SPG7: variants seen among roughly 807,000 people sequenced by gnomAD.
The protein encoded by SPG7 is mitochondrial inner membrane m-AAA protease component paraplegin.
In SPG7, 103 loss-of-function variants were observed where a neutral mutation model predicts 81.9. The observed-to-expected ratio is 1.26, with a 90% CI of 1.07 to 1.48. SPG7 has a LOEUF of 1.48. Ranked by LOEUF, SPG7 falls within the 40% of genes most tolerant of loss-of-function variation. The pLI, the probability that SPG7 is intolerant of heterozygous loss-of-function variation, is 0.00. For missense variants in SPG7, 1,241 were observed against 1,087.3 expected (o/e 1.14, Z -1.99); for synonymous variants, 534 against 444.2 (o/e 1.20, Z -2.54).
At chr16:89,533,268 C>T (rs886976393) in intron 9 of SPG7, 11 of 152,826 alleles carry the variant, frequency 7.2e-5, no homozygotes, top group African/African-American at 2.2e-4. Flanking sequence ...CCCGGGTTCT[C>T]GCCATTCTCC....
chr16:89,516,582 C>T lies in SPG7; in HGVS notation c.376+3545C>T, dbSNP rs368582201. 1.6e-4 allele frequency among the ~76,000 whole-genome samples: 24 copies of T among 151,658 alleles called. No homozygotes were observed. The South Asian group carries it at 4.4e-3, about 28-fold the overall frequency. ...CATAAAAAATTAAGAAAGAAAAGGC[C>T]GGGCGTGGTGGCTCATGCCTGTCAT... On this transcript the variant is annotated intron_variant, in intron 3 of 16. Coordinates refer to ENST00000645818, the MANE Select transcript of SPG7 (RefSeq NM_003119.4).
chr16:89,510,601 C>T lies in SPG7; in HGVS notation c.286+9C>T. The T allele has an allele frequency of 1.9e-6, 3 of 1,550,418 alleles. No individual in the cohort carries two copies. Among genetic ancestry groups the T allele is most frequent in the Non-Finnish European group, 2.7e-6 (3 of 1,122,282 alleles). On this transcript the variant is annotated intron_variant, in intron 2 of 16. Coordinates refer to ENST00000645818, the MANE Select transcript of SPG7 (RefSeq NM_003119.4). ...ACTCTGGCAACTTTTAGGTATGTAT[C>T]TGTTTAAAGAAGCAGCTGAGCATGA...
At chr16:89,536,977 C>T in intron 9 of SPG7, 4 of 1,613,910 alleles carry the variant, frequency 2.5e-6, no homozygotes, top group East Asian at 2.2e-5. Context: ...ATCTTCTCCA[C>T]ATAACCTCTC....
At chr16:89,546,573 C>G in intron 10 of SPG7, 85 bp from the exon 11 acceptor site, 1 of 159,874 alleles carries the variant, frequency 6.3e-6, no homozygotes, top group African/African-American at 4.2e-5. Context: ...ACTTGGGGAC[C>G]CCCCCCCCCC....
intron 3 of SPG7, 118 bp downstream of exon 3, chr16:89,513,155 G>T (rs571868179): frequency 7.0e-7 from 1 of 1,435,220 alleles, no homozygotes; most frequent in Non-Finnish European, 9.5e-7. Context: ...GGGTGCAGTG[G>T]CTCACACTTG....
At chr16:89,545,019 C>G in intron 10 of SPG7, 4 of 563,958 alleles carry the variant, frequency 7.1e-6, no homozygotes, top group Middle Eastern at 9.9e-4. Flanking sequence ...AATGGCTGCA[C>G]TCACTGCTCG....
chr16:89,554,014 C>T (rs1433936062), intron 15 of SPG7, 54 bp downstream of exon 15: 6 of 1,587,750 alleles, frequency 3.8e-6, no homozygotes, highest in Non-Finnish European at 4.3e-6. Context: ...GGAGGGAGTC[C>T]CTGGGTCTAC....
At chr16:89,545,803 G>T (rs2058556717) in intron 10 of SPG7, 1 of 380,776 alleles carries the variant, frequency 2.6e-6, no homozygotes, top group Non-Finnish European at 5.2e-6. Flanking sequence ...TGCTGTGTGT[G>T]ACGTGCTTCA....
rs749826997 is a variant in SPG7 at position 89,548,091 on chromosome 16, C to T, written c.1641C>T (p.Tyr547=). 7 of 1,607,156 alleles carry T rather than the reference C, an allele frequency of 4.4e-6. No individual in the cohort carries two copies. Among genetic ancestry groups the T allele is most frequent in the South Asian group, 1.1e-5 (1 of 91,078 alleles). ...CCGTGCACACTCTCAACTTCGAGTA[C>T]GCCGTGGAGCGCGTCCTCGCAGGTA... The part of the protein sequence containing the change: ...HTSVHTLNFE[Y]AVERVLAGTA... The change falls in exon 12 of 17, where the codon TAC becomes TAT. Residue 547 remains tyrosine (Y), a synonymous_variant. Coordinates refer to ENST00000645818, the MANE Select transcript of SPG7 (RefSeq NM_003119.4).
intron 9 of SPG7, among the ~76,000 whole-genome samples, chr16:89,535,994 G>T (rs1412010435): frequency 8.7e-4 from 116 of 133,096 alleles, no homozygotes; most frequent in Non-Finnish European, 1.3e-3. Context: ...GTGCTGTGTG[G>T]CCTTCACTGT....
intron 3 of SPG7, chr16:89,518,368 A>G (rs1464761399): frequency 1.3e-5 from 2 of 152,238 alleles, no homozygotes; most frequent in Non-Finnish European, 2.9e-5. Context: ...AAGGAATTAT[A>G]CGGAGTGAAA....
intron 3 of SPG7, chr16:89,522,287 C>A (rs374102580): frequency 6.6e-6 from 1 of 152,106 alleles, no homozygotes; most frequent in Non-Finnish European, 1.5e-5. Context: ...TGTTTGAATT[C>A]GTCTAAAATG....
Position 89,550,422 on chromosome 16 carries a change from C to T in SPG7, c.1664-72C>T, listed in dbSNP as rs2058621722. 2.8e-6 allele frequency: 3 copies of T among 1,065,474 alleles called. No individual in the cohort carries two copies. The East Asian group carries it at 7.1e-5, about 25-fold the overall frequency. 66.0% of individuals were successfully genotyped at this position (1,065,474 alleles called of 1,614,324 possible). On this transcript the variant is annotated intron_variant, in intron 12 of 16. Coordinates refer to ENST00000645818, the MANE Select transcript of SPG7 (RefSeq NM_003119.4). ...TCCTGTCCTCAGGTCATCCGCCCGCCTTGGCCTCCCACAGCGCTGGGATTA... is the reference window on the plus strand; with the variant it reads ...TCCTGTCCTCAGGTCATCCGCCCGCTTTGGCCTCCCACAGCGCTGGGATTA...
chr16:89,529,749 G>T, intron 6 of SPG7, 170 bp downstream of exon 6: 3 of 682,116 alleles, frequency 4.4e-6, no homozygotes, highest in Non-Finnish European at 5.3e-6. Flanking sequence ...GCTGTAAGGC[G>T]TGTAGTAACC....
intron 3 of SPG7, chr16:89,520,953 A>G (rs1164732741): frequency 6.6e-6 from 1 of 152,222 alleles, no homozygotes; most frequent in Non-Finnish European, 1.5e-5. Context: ...CCAGGCAGTT[A>G]TCAGACAGGG....
chr16:89,509,228 A>G (rs892573101), intron 1 of SPG7, among the ~76,000 whole-genome samples: 3 of 151,766 alleles, frequency 2.0e-5, no homozygotes, highest in Non-Finnish European at 4.4e-5. Flanking sequence ...CTCGCCTAGG[A>G]GCTTAGCCCA....
intron 2 of SPG7, among the ~76,000 whole-genome samples, chr16:89,512,459 C>T (rs1051297009): frequency 2.6e-5 from 4 of 152,236 alleles, no homozygotes; most frequent in Admixed American, 1.3e-4. Context: ...ATTACAAGCG[C>T]CTGCCAACAC....
In SPG7 at chr16:89,557,453, G is replaced by A. The variant is rs1448144867; in HGVS notation, c.*360G>A. On this transcript the variant is annotated 3_prime_UTR_variant, in exon 17 of 17. Transcript: ENST00000645818. ...CTCCAAACAGACCCCTGTTCATGCCGACGCTTGCACGACCGCCCCAGTTCC... is the reference window on the plus strand; with the variant it reads ...CTCCAAACAGACCCCTGTTCATGCCAACGCTTGCACGACCGCCCCAGTTCC... 1.9e-5 allele frequency: 6 copies of A among 314,166 alleles called. No homozygotes were observed. The highest frequency in any genetic ancestry group is 4.3e-5 in the African/African-American group (2 of 46,538). The allele number at this position is 314,166 out of a possible 1,614,324, so 19.5% of individuals were successfully genotyped here. A position where few individuals can be genotyped will look rare whatever the true frequency, so the allele number is the denominator to read the frequency against.
At chr16:89,556,359 G>A (rs2058687525) in intron 16 of SPG7, 1 of 325,538 alleles carries the variant, frequency 3.1e-6, no homozygotes, top group Non-Finnish European at 5.6e-6. Context: ...AGAAACCAGT[G>A]AAATGTGGCT....
Sources: allele counts gnomAD v4.1 joint callset (sites outside exome capture counted in the v4.1 genomes callset), GRCh38; gene constraint gnomAD v4.1.1; transcripts MANE v1.5; gene names NCBI Gene and HGNC (gene_info 2026-07-23, HGNC 2026-07-21).